Variants in GFRA1 observed in about 807,000 individuals in gnomAD.
The protein encoded by GFRA1 is GDNF family receptor alpha 1, also known as GDNF family receptor alpha-1.
A neutral mutation model predicts 51.6 loss-of-function variants in GFRA1; 16 were observed. The ratio of observed to expected loss-of-function variants is 0.31; its 90% CI spans 0.21 to 0.47. The LOEUF (loss-of-function observed/expected upper bound fraction) is 0.47, where lower values mean the gene tolerates loss of function less well. Among genes scored for constraint, GFRA1 ranks in the 20% least tolerant of loss-of-function variants. The pLI is 1.00. For synonymous variants in GFRA1, 270 were observed against 241.3 expected (o/e 1.12, Z -1.10); for missense variants, 530 against 594.3 (o/e 0.89, Z 1.13).
At chr10:116,238,840 G>A (rs1428438175) in intron 4 of GFRA1, among the ~76,000 whole-genome samples, 2 of 152,110 alleles carry the variant, frequency 1.3e-5, no homozygotes, top group Non-Finnish European at 2.9e-5. Flanking sequence ...AAAAAAATCT[G>A]TAATTTTTGC....
At chr10:116,252,486 G>T (rs981199295) in intron 4 of GFRA1, among the ~76,000 whole-genome samples, 2 of 152,190 alleles carry the variant, frequency 1.3e-5, no homozygotes, top group Admixed American at 6.5e-5. Context: ...GAGGTATACA[G>T]CTGGCGCCTA....
upstream of GFRA1, among the ~76,000 whole-genome samples, chr10:116,273,755 G>C (rs1844121299): frequency 6.6e-6 from 1 of 151,764 alleles, no homozygotes; most frequent in African/African-American, 2.4e-5. Flanking sequence ...TTCTTCTTAG[G>C]GCAATCGAGC....
rs548479119 is a variant in GFRA1, at chr10:116,241,103, T to C, written c.418+28400A>G. 4.0e-5 allele frequency among the ~76,000 whole-genome samples: 6 copies of C among 151,810 alleles called. No homozygotes were observed. In the South Asian group the frequency reaches 1.1e-3, roughly 27 times the overall value. On this transcript the variant is annotated intron_variant, in intron 4 of 10. Coordinates refer to ENST00000355422, the MANE Select transcript of GFRA1 (RefSeq NM_005264.8). Reference sequence around the variant, plus strand: ...TAGTTAAGATTCATGTATTTTCACATAGTGGATAATTTAGAATTTCGTAAT... The same window carrying C: ...TAGTTAAGATTCATGTATTTTCACACAGTGGATAATTTAGAATTTCGTAAT...
intron 4 of GFRA1, among the ~76,000 whole-genome samples, chr10:116,258,379 A>AAT (rs1005811854): frequency 3.0e-3 from 6 of 2,028 alleles, no homozygotes; most frequent in Non-Finnish European, 0.033. Flanking sequence ...AATAATATCT[A>AAT]ATATATTAAT....
At chr10:116,076,497 G>C (rs528407903) in intron 9 of GFRA1, among the ~76,000 whole-genome samples, 1 of 152,280 alleles carries the variant, frequency 6.6e-6, no homozygotes, top group East Asian at 1.9e-4. Flanking sequence ...AGGCGCTGCA[G>C]GTGACCTCTT....
chr10:116,061,025 G>A lies in GFRA1; in HGVS notation c.*3373C>T, dbSNP rs944675330. ...TTGGCTCTCCCACTCTCCTAGTATA[G>A]CAGATGGAGTGCTTGGGAGTGTCTG... On this transcript the variant is annotated 3_prime_UTR_variant, in exon 11 of 11. Transcript: ENST00000355422. 1 of 152,050 alleles carries A rather than the reference G, an allele frequency of 6.6e-6. No individual in the cohort carries two copies. The highest frequency in any genetic ancestry group is 1.5e-5 in the Non-Finnish European group (1 of 68,032). The allele number at this position is 152,050 out of a possible 1,614,324, so 9.4% of individuals were successfully genotyped here.
upstream of GFRA1, among the ~76,000 whole-genome samples, chr10:116,273,663 C>CTG (rs1565697515): frequency 8.3e-5 from 7 of 84,362 alleles, no homozygotes; most frequent in African/African-American, 2.5e-4. Context: ...CTCTCTCTCT[C>CTG]TCTCTCTGTC....
intron 9 of GFRA1, among the ~76,000 whole-genome samples, chr10:116,076,638 G>GAAAC (rs1955631824): frequency 6.6e-6 from 1 of 152,164 alleles, no homozygotes; most frequent in Non-Finnish European, 1.5e-5. Flanking sequence ...CCTCAGAGGG[G>GAAAC]AAACAGCCCA....
intron 5 of GFRA1, among the ~76,000 whole-genome samples, chr10:116,160,998 G>A (rs117967199): frequency 2.0e-5 from 3 of 152,286 alleles, no homozygotes; most frequent in East Asian, 1.9e-4. Flanking sequence ...GAGAATTCTG[G>A]GCAAGATGGT....
At chr10:116,265,941 G>A (rs1969622606) in intron 4 of GFRA1, among the ~76,000 whole-genome samples, 1 of 152,148 alleles carries the variant, frequency 6.6e-6, no homozygotes, top group Non-Finnish European at 1.5e-5. Flanking sequence ...TTTCTGGAAA[G>A]CAGCCCTCCA....
chr10:116,269,561 T>G lies in GFRA1; in HGVS notation c.360A>C (p.Pro120=), dbSNP rs149919192. The G allele has an allele frequency of 1.2e-6, 2 of 1,605,628 alleles. No individual in the cohort carries two copies. Among genetic ancestry groups the G allele is most frequent in the Admixed American group, 1.7e-5 (1 of 60,028 alleles). The change falls in exon 4 of 11, where the codon CCA becomes CCC. Residue 120 remains proline, a synonymous_variant. Coordinates refer to ENST00000355422, the MANE Select transcript of GFRA1 (RefSeq NM_005264.8). Reference sequence around the variant, plus strand: ...ACAATCTGCTGTTAACTGGTTCATATGGGGAATCCTCCAGCAGATCATTTC... The same window carrying G: ...ACAATCTGCTGTTAACTGGTTCATAGGGGGAATCCTCCAGCAGATCATTTC... The part of the protein sequence containing the change: ...LQGNDLLEDS[P]YEPVNSRLSD...
rs189892276 is a variant in GFRA1, at chr10:116,111,377, G to T, written c.770+13844C>A. Among the ~76,000 whole-genome samples the T allele has an allele frequency of 4.7e-4, 71 of 152,290 alleles. 2 individuals are homozygous for T. Among genetic ancestry groups the T allele is most frequent in the African/African-American group, 1.7e-3 (69 of 41,554 alleles). On this transcript the variant is annotated intron_variant, in intron 6 of 10. Coordinates refer to ENST00000355422, the MANE Select transcript of GFRA1 (RefSeq NM_005264.8). ...ATCAGCTTGTCTCAGTATCCTTTGTGTCTGAAGAACTATCAGCAGGCAATA... is the reference window on the plus strand; with the variant it reads ...ATCAGCTTGTCTCAGTATCCTTTGTTTCTGAAGAACTATCAGCAGGCAATA...
intron 8 of GFRA1, among the ~76,000 whole-genome samples, chr10:116,092,873 A>G (rs570010463): frequency 6.6e-6 from 1 of 152,250 alleles, no homozygotes; most frequent in East Asian, 1.9e-4. Flanking sequence ...GTGGGTTGCA[A>G]TTTTCAAGTA....
intron 4 of GFRA1, among the ~76,000 whole-genome samples, chr10:116,232,015 A>G (rs561775763): frequency 7.9e-5 from 12 of 152,298 alleles, no homozygotes; most frequent in African/African-American, 2.9e-4. Context: ...AAGAGGAGAG[A>G]AAGAAAGGAG....
At chr10:116,153,884 T>C (rs972887407) in intron 5 of GFRA1, among the ~76,000 whole-genome samples, 2 of 151,916 alleles carry the variant, frequency 1.3e-5, no homozygotes, top group Non-Finnish European at 2.9e-5. Flanking sequence ...ACTCTATAAA[T>C]CAATCAGAAA....
intron 6 of GFRA1, among the ~76,000 whole-genome samples, chr10:116,108,623 T>G (rs1957088065): frequency 6.6e-6 from 1 of 152,096 alleles, no homozygotes; most frequent in African/African-American, 2.4e-5. Flanking sequence ...CCCCTCCACA[T>G]CTCCTCCCAG....
chr10:116,119,813 T>A (rs1160913317), intron 6 of GFRA1, among the ~76,000 whole-genome samples: 2 of 152,148 alleles, frequency 1.3e-5, no homozygotes, highest in East Asian at 3.8e-4. Context: ...CCAAATAAAT[T>A]ATGGGAGCAG....
At chr10:116,170,385 A>G (rs1174182865) in intron 5 of GFRA1, among the ~76,000 whole-genome samples, 5 of 152,178 alleles carry the variant, frequency 3.3e-5, no homozygotes, top group Non-Finnish European at 5.9e-5. Context: ...CAAGTTCTCT[A>G]TTGAGATAAT....
intron 8 of GFRA1, among the ~76,000 whole-genome samples, 165 bp from the exon 9 acceptor site, chr10:116,090,087 T>G (rs188623885): frequency 6.6e-6 from 1 of 152,152 alleles, no homozygotes; most frequent in Non-Finnish European, 1.5e-5. Context: ...GAGCCAGTCT[T>G]TGGGGTCAGT....
Sources: allele counts gnomAD v4.1 joint callset (sites outside exome capture counted in the v4.1 genomes callset), GRCh38; gene constraint gnomAD v4.1.1; transcripts MANE v1.5; gene names NCBI Gene and HGNC (gene_info 2026-07-23, HGNC 2026-07-21).